Variants in PRKAB2 observed in about 807,000 individuals in gnomAD.
PRKAB2 encodes the protein protein kinase AMP-activated non-catalytic subunit beta 2.
In PRKAB2, 18 loss-of-function variants were observed where a neutral mutation model predicts 29.8. That is an observed-to-expected ratio of 0.60 (90% CI 0.42 to 0.89). The LOEUF (loss-of-function observed/expected upper bound fraction) is 0.89, where lower values mean the gene tolerates loss of function less well. Ranked by LOEUF, PRKAB2 falls within the 40% of genes least tolerant of loss-of-function variation. PRKAB2 has a pLI of 0.00. For synonymous variants in PRKAB2, 136 were observed against 125.9 expected (o/e 1.08, Z -0.54); for missense variants, 270 against 344.3 (o/e 0.78, Z 1.71).
At chr1:147,172,330 T>C (rs1185558321) in intron 1 of PRKAB2, 99 bp downstream of exon 1, 1 of 769,808 alleles carries the variant, frequency 1.3e-6, no homozygotes, top group Non-Finnish European at 2.0e-6. Context: ...CGCCTGCAAA[T>C]ACCCCGGTGC....
chr1:147,162,597 G>A, intron 5 of PRKAB2, 24 bp from the exon 6 acceptor site: 1 of 1,585,528 alleles, frequency 6.3e-7, no homozygotes, highest in South Asian at 1.1e-5. Context: ...ATACAAATAT[G>A]AGAAAGAGTT....
intron 5 of PRKAB2, 124 bp from the exon 6 acceptor site, chr1:147,162,697 C>T: frequency 9.9e-7 from 1 of 1,009,162 alleles, no homozygotes; most frequent in Non-Finnish European, 1.4e-6. Context: ...AAACTTGTGA[C>T]CTGTGGGATC....
At chr1:147,165,912 C>T (rs1417430521) in intron 5 of PRKAB2, among the ~76,000 whole-genome samples, 1 of 152,174 alleles carries the variant, frequency 6.6e-6, no homozygotes, top group Non-Finnish European at 1.5e-5. Flanking sequence ...ATCCTCACGC[C>T]TCAGCCTCCC....
In PRKAB2 at chr1:147,156,513, C is replaced by T. The variant is rs1474617353; in HGVS notation, c.*3052G>A. 2 of 152,166 alleles carry T rather than the reference C, an allele frequency of 1.3e-5. No homozygotes were observed. The highest frequency in any genetic ancestry group is 2.4e-5 in the African/African-American group (1 of 41,434). The allele number at this position is 152,166 out of a possible 1,614,324, so 9.4% of individuals were successfully genotyped here. A position where few individuals can be genotyped will look rare whatever the true frequency, so the allele number is the denominator to read the frequency against. On this transcript the variant is annotated 3_prime_UTR_variant, in exon 8 of 8. Coordinates refer to ENST00000254101, the MANE Select transcript of PRKAB2 (RefSeq NM_005399.5). Reference sequence around the variant, plus strand: ...CCTGGGTTTGTAGGATCCTCACAAACTTCTCTTGGATTCTTCTTTTACAAA... The same window carrying T: ...CCTGGGTTTGTAGGATCCTCACAAATTTCTCTTGGATTCTTCTTTTACAAA...
intron 2 of PRKAB2, 121 bp downstream of exon 2, chr1:147,171,868 C>A: frequency 7.8e-7 from 1 of 1,288,876 alleles, no homozygotes; most frequent in Non-Finnish European, 1.1e-6. Flanking sequence ...CCGATAAATC[C>A]CTTTAATTCA....
Position 147,159,585 on chromosome 1 carries a change from G to C in PRKAB2, c.799C>G (p.Leu267Val). 9 of 1,613,536 alleles carry C rather than the reference G, an allele frequency of 5.6e-6. No individual in the cohort carries two copies. Among genetic ancestry groups the C allele is most frequent in the Non-Finnish European group, 7.6e-6 (9 of 1,179,638 alleles). ...TCCCTTCAAATGGGCTTGTATAGCAGAGTAGTAACATACTTCTTCTTGTAG... is the reference window on the plus strand; with the variant it reads ...TCCCTTCAAATGGGCTTGTATAGCACAGTAGTAACATACTTCTTCTTGTAG... ...HRYKKKYVTT[L>V]LYKPI Residue 267 changes from leucine to valine, a missense_variant, in exon 8 of 8, where the codon CTG becomes GTG. Leu to Val is a conservative substitution (Grantham distance 32). Transcript: ENST00000254101.
At chr1:147,166,705 C>T (rs1028669292) in intron 4 of PRKAB2, 87 bp from the exon 5 acceptor site, 76 of 1,576,024 alleles carry the variant, frequency 4.8e-5, no homozygotes, top group Admixed American at 1.8e-4. Context: ...AAAATTTACA[C>T]GATTGTTCTC....
chr1:147,165,058 C>T lies in PRKAB2; in HGVS notation c.538+1440G>A, dbSNP rs587621377. ...GATTACACTATTAATAATAGTCTCG[C>T]TCTGTCGCCCAGGCTGGAGTGCAGT... On this transcript the variant is annotated intron_variant, in intron 5 of 7. Transcript: ENST00000254101. Among the ~76,000 whole-genome samples, 8 of 152,330 alleles carry T rather than the reference C, an allele frequency of 5.3e-5. No homozygotes were observed. In the East Asian group the frequency reaches 1.5e-3, roughly 29 times the overall value.
chr1:147,166,710 G>T (rs1654269092), intron 4 of PRKAB2, 92 bp from the exon 5 acceptor site: 2 of 1,571,328 alleles, frequency 1.3e-6, no homozygotes, highest in Non-Finnish European at 1.7e-6. Context: ...TTACACGATT[G>T]TTCTCAGCAC....
At chr1:147,164,721 A>G (rs1337583924) in intron 5 of PRKAB2, among the ~76,000 whole-genome samples, 1 of 152,240 alleles carries the variant, frequency 6.6e-6, no homozygotes, top group African/African-American at 2.4e-5. Context: ...AGTGCAGACT[A>G]AAATCCATTA....
chr1:147,172,332 C>T (rs989795713), intron 1 of PRKAB2, 97 bp downstream of exon 1: 2 of 760,222 alleles, frequency 2.6e-6, no homozygotes, highest in Non-Finnish European at 4.0e-6. Flanking sequence ...CCTGCAAATA[C>T]CCCGGTGCCC....
intron 2 of PRKAB2, among the ~76,000 whole-genome samples, chr1:147,170,513 G>A (rs184233625): frequency 2.0e-5 from 3 of 152,306 alleles, no homozygotes; most frequent in African/African-American, 7.2e-5. Flanking sequence ...TAAGAATGGA[G>A]AATTGGAGAA....
chr1:147,164,043 C>G (rs1346898743), intron 5 of PRKAB2, among the ~76,000 whole-genome samples: 1 of 151,888 alleles, frequency 6.6e-6, no homozygotes, highest in African/African-American at 2.4e-5. Flanking sequence ...CTCAAGTGAT[C>G]CTCCCACCTC....
chr1:147,167,742 T>C (rs1553913850), intron 3 of PRKAB2, 25 bp downstream of exon 3: 2 of 1,604,648 alleles, frequency 1.2e-6, no homozygotes, highest in African/African-American at 1.3e-5. Flanking sequence ...CCTGGACCCT[T>C]AGATTCAACC....
In PRKAB2 at chr1:147,157,671, ATAAAAACAAAATTC is replaced by A. The variant is rs1199734589; in HGVS notation, c.*1880_*1893del. 65 of 152,172 alleles carry A rather than the reference ATAAAAACAAAATTC, an allele frequency of 4.3e-4. No individual in the cohort carries two copies. Among genetic ancestry groups the A allele is most frequent in the Admixed American group, 4.3e-3 (65 of 15,270 alleles). 9.4% of individuals were successfully genotyped at this position (152,172 alleles called of 1,614,324 possible). A position where few individuals can be genotyped will look rare whatever the true frequency, so the allele number is the denominator to read the frequency against. On this transcript the variant is annotated 3_prime_UTR_variant, in exon 8 of 8. Transcript: ENST00000254101. ...GGCCCACTTATTTAATGAGTATTGG[ATAAAAACAAAATTC>A]TAGTACAACTGAAGGCTGTAAATCC... is the stretch of plus-strand genomic sequence containing the variant.
At chr1:147,165,532 G>A (rs1654198574) in intron 5 of PRKAB2, among the ~76,000 whole-genome samples, 1 of 152,184 alleles carries the variant, frequency 6.6e-6, no homozygotes, top group African/African-American at 2.4e-5. Context: ...TGAACTCACA[G>A]GAGAGAAGTG....
Position 147,159,512 on chromosome 1 carries a change from G to A in PRKAB2, c.*53C>T. 6.5e-7 allele frequency: 1 copy of A among 1,530,192 alleles called. No individual in the cohort carries two copies. The highest frequency in any genetic ancestry group is 9.0e-7 in the Non-Finnish European group (1 of 1,106,442). 94.8% of individuals were successfully genotyped at this position (1,530,192 alleles called of 1,614,324 possible). A position where few individuals can be genotyped will look rare whatever the true frequency, so the allele number is the denominator to read the frequency against. ...TCTCAGGTAAGACTGGTTCAGTCCA[G>A]AAATGCAAGGGAGATGCTTCTCCTG... On this transcript the variant is annotated 3_prime_UTR_variant, in exon 8 of 8. Coordinates refer to ENST00000254101, the MANE Select transcript of PRKAB2 (RefSeq NM_005399.5).
chr1:147,166,768 GC>G (rs1177375031), intron 4 of PRKAB2, 77 bp downstream of exon 4: 15 of 1,548,772 alleles, frequency 9.7e-6, no homozygotes, highest in Non-Finnish European at 1.2e-5. Flanking sequence ...GGGAGCAGCT[GC>G]CCATCAGTCT....
intron 5 of PRKAB2, among the ~76,000 whole-genome samples, chr1:147,165,667 G>A (rs587632961): frequency 6.6e-6 from 1 of 151,948 alleles, no homozygotes; most frequent in African/African-American, 2.4e-5. Flanking sequence ...CAGAGATGAA[G>A]GCCTTGGCTC....
Sources: allele counts gnomAD v4.1 joint callset (sites outside exome capture counted in the v4.1 genomes callset), GRCh38; gene constraint gnomAD v4.1.1; transcripts MANE v1.5; gene names NCBI Gene and HGNC (gene_info 2026-07-23, HGNC 2026-07-21).